The following TDRD15 variants were observed in gnomAD, a reference collection of about 807,000 sequenced individuals.
TDRD15 encodes tudor domain-containing protein 15.
For missense variants in TDRD15, 1,416 were observed against 904.7 expected (o/e 1.57, Z -7.25); for synonymous variants, 503 against 314.5 (o/e 1.60, Z -6.34).
At chr2:21,133,690 A>G (rs1039334038) in intron 2 of TDRD15, among the ~76,000 whole-genome samples, 19 of 152,110 alleles carry the variant, frequency 1.2e-4, no homozygotes, top group African/African-American at 4.6e-4. Context: ...ACAAGGAACT[A>G]TTATTTTACC....
At chr2:21,137,262 T>A (rs931763737) in intron 3 of TDRD15, among the ~76,000 whole-genome samples, 1 of 152,028 alleles carries the variant, frequency 6.6e-6, no homozygotes, top group Non-Finnish European at 1.5e-5. Flanking sequence ...CAATGAAAAA[T>A]TTTAAAAGTA....
intron 2 of TDRD15, among the ~76,000 whole-genome samples, chr2:21,129,545 T>C (rs1283059644): frequency 2.6e-5 from 4 of 152,238 alleles, no homozygotes; most frequent in Admixed American, 2.0e-4. Context: ...TGTTTTTAGA[T>C]TGCATTGTCT....
intron 1 of TDRD15, among the ~76,000 whole-genome samples, chr2:21,125,138 C>G (rs1425269077): frequency 6.9e-6 from 1 of 145,556 alleles, no homozygotes; most frequent in Non-Finnish European, 1.5e-5. Context: ...ATCCTAATGT[C>G]AGGGTGTGTG....
In TDRD15 at chr2:21,143,416, C is replaced by A; in HGVS notation, c.*144C>A. On this transcript the variant is annotated 3_prime_UTR_variant, in exon 4 of 4. Coordinates refer to ENST00000405799, the MANE Select transcript of TDRD15 (RefSeq NM_001306137.2). Reference sequence around the variant, plus strand: ...CTGTAAGAACCTCTTAAGGAAAATTCGTATTAGTAAAAGATCACATTCTAG... The same window carrying A: ...CTGTAAGAACCTCTTAAGGAAAATTAGTATTAGTAAAAGATCACATTCTAG... 2.2e-6 allele frequency: 1 copy of A among 445,690 alleles called. No individual in the cohort carries two copies. The allele number at this position is 445,690 out of a possible 1,614,324, so 27.6% of individuals were successfully genotyped here.
chr2:21,130,676 T>C (rs1572295414), intron 2 of TDRD15, among the ~76,000 whole-genome samples: 1 of 152,188 alleles, frequency 6.6e-6, no homozygotes, highest in East Asian at 1.9e-4. Context: ...TGGCATCTTG[T>C]CAATGTTTAC....
At chr2:21,134,985 A>T (rs1665780670) in intron 3 of TDRD15, 138 bp downstream of exon 3, 1 of 147,916 alleles carries the variant, frequency 6.8e-6, no homozygotes, top group African/African-American at 2.5e-5. Context: ...GTTTAGTTTT[A>T]AATTTTATAT....
rs1354412380 is a variant in TDRD15, at chr2:21,139,796, T to C, written c.2329T>C (p.Cys777Arg). Residue 777 changes from cysteine to arginine, a missense_variant, in exon 4 of 4, where the codon TGT becomes CGT. Coordinates refer to ENST00000405799, the MANE Select transcript of TDRD15 (RefSeq NM_001306137.2). ...AGGTGACTTTTCATGCCAGCTCCAATGTAAGTCAGAAGACCTAAAATTACT... is the reference window on the plus strand; with the variant it reads ...AGGTGACTTTTCATGCCAGCTCCAACGTAAGTCAGAAGACCTAAAATTACT... ...GPGDFSCQLQ[C>R]KSEDLKLLME... 2.8e-6 allele frequency: 2 copies of C among 715,412 alleles called. No homozygotes were observed. The highest frequency in any genetic ancestry group is 2.7e-5 in the East Asian group (1 of 37,276). The allele number at this position is 715,412 out of a possible 1,614,324, so 44.3% of individuals were successfully genotyped here. A position where few individuals can be genotyped will look rare whatever the true frequency, so the allele number is the denominator to read the frequency against.
chr2:21,140,739 C>A lies in TDRD15; in HGVS notation c.3272C>A (p.Pro1091Gln), dbSNP rs1178533101. ...FLSDLRDVDI[P>Q]AEISSWFKDN... ...TCAGATCTTAGGGATGTAGATATTCCAGCAGAAATCAGTAGTTGGTTTAAA... is the reference window on the plus strand; with the variant it reads ...TCAGATCTTAGGGATGTAGATATTCAAGCAGAAATCAGTAGTTGGTTTAAA... Residue 1091 changes from proline (P) to glutamine (Q), a missense_variant, in exon 4 of 4, where the codon CCA (proline) becomes CAA (glutamine). Physicochemically the swap from Pro to Gln is moderately conservative, Grantham distance 76. Transcript: ENST00000405799. 2 of 713,664 alleles carry A rather than the reference C, an allele frequency of 2.8e-6. No homozygotes were observed. The highest frequency in any genetic ancestry group is 4.0e-5 in the Admixed American group (2 of 49,710). The allele number at this position is 713,664 out of a possible 1,614,324, so 44.2% of individuals were successfully genotyped here. A position where few individuals can be genotyped will look rare whatever the true frequency, so the allele number is the denominator to read the frequency against.
Position 21,141,262 on chromosome 2 carries a change from A to G in TDRD15, c.3795A>G (p.Arg1265=). 1 of 712,302 alleles carries G rather than the reference A, an allele frequency of 1.4e-6. No individual in the cohort carries two copies. The highest frequency in any genetic ancestry group is 2.3e-4 in the Middle Eastern group (1 of 4,328). The allele number at this position is 712,302 out of a possible 1,614,324, so 44.1% of individuals were successfully genotyped here. A position where few individuals can be genotyped will look rare whatever the true frequency, so the allele number is the denominator to read the frequency against. The change falls in exon 4 of 4, where the codon AGA becomes AGG. Residue 1265 remains arginine, a synonymous_variant. Coordinates refer to ENST00000405799, the MANE Select transcript of TDRD15 (RefSeq NM_001306137.2). The part of the protein sequence containing the change: ...SVKVVSQSFI[R]ALNQTTSQNP... ...AGGTTGTATCACAGTCTTTTATCAGAGCATTAAATCAAACAACCTCACAAA... is the reference window on the plus strand; with the variant it reads ...AGGTTGTATCACAGTCTTTTATCAGGGCATTAAATCAAACAACCTCACAAA...
rs1665879500 is a variant in TDRD15, at chr2:21,139,581, C to A, written c.2114C>A (p.Ser705Tyr). Residue 705 changes from serine to tyrosine, a missense_variant, in exon 4 of 4, where the codon TCT becomes TAT. Coordinates refer to ENST00000405799, the MANE Select transcript of TDRD15 (RefSeq NM_001306137.2). ...TCTGCCCTTCTTGAAGGACCTAAAT[C>A]TAAAAAGTACCATTCAAATAACCTG... ...VISALLEGPK[S>Y]KKYHSNNLVE... The A allele has an allele frequency of 1.4e-6, 1 of 714,328 alleles. No homozygotes were observed. Among genetic ancestry groups the A allele is most frequent in the Non-Finnish European group, 2.6e-6 (1 of 383,738 alleles). 44.2% of individuals were successfully genotyped at this position (714,328 alleles called of 1,614,324 possible).
Position 21,140,742 on chromosome 2 carries a change from C to T in TDRD15, c.3275C>T (p.Ala1092Val). Residue 1092 changes from alanine to valine, a missense_variant, in exon 4 of 4, where the codon GCA becomes GTA. Physicochemically the swap from Ala to Val is moderately conservative, Grantham distance 64 (BLOSUM62 0). Transcript: ENST00000405799. ...LSDLRDVDIP[A>V]EISSWFKDNF... ...GATCTTAGGGATGTAGATATTCCAG[C>T]AGAAATCAGTAGTTGGTTTAAAGAC... 1 of 713,714 alleles carries T rather than the reference C, an allele frequency of 1.4e-6. No homozygotes were observed. The highest frequency in any genetic ancestry group is 2.6e-6 in the Non-Finnish European group (1 of 383,124). The allele number at this position is 713,714 out of a possible 1,614,324, so 44.2% of individuals were successfully genotyped here.
At chr2:21,131,706 T>C (rs1260366973) in intron 2 of TDRD15, among the ~76,000 whole-genome samples, 1 of 152,232 alleles carries the variant, frequency 6.6e-6, no homozygotes, top group Non-Finnish European at 1.5e-5. Flanking sequence ...ACTAATTTTT[T>C]GGTTTTAAGA....
rs1167556951 is a variant in TDRD15 at position 21,140,170 on chromosome 2, C to A, written c.2703C>A (p.Ile901=). 1.4e-6 allele frequency: 1 copy of A among 715,480 alleles called. No homozygotes were observed. The highest frequency in any genetic ancestry group is 1.7e-5 in the African/African-American group (1 of 57,144). The allele number at this position is 715,480 out of a possible 1,614,324, so 44.3% of individuals were successfully genotyped here. Residue 901 remains isoleucine, a synonymous_variant, in exon 4 of 4, where the codon ATC becomes ATA. Transcript: ENST00000405799. ...CATCTAGAGGGTTATTGACTTGTAT[C>A]ATCTATGCCTTAGTTATTATACATC... ...ISSSRGLLTC[I]IYALVIIHPN... is the part of the protein sequence containing the mutation.
chr2:21,125,585 T>A (rs779487604), intron 1 of TDRD15, among the ~76,000 whole-genome samples: 2 of 152,068 alleles, frequency 1.3e-5, no homozygotes, highest in Non-Finnish European at 2.9e-5. Flanking sequence ...CGAAGAAATT[T>A]ATTTTTGATG....
At chr2:21,130,956 C>T (rs1222099652) in intron 2 of TDRD15, among the ~76,000 whole-genome samples, 1 of 152,142 alleles carries the variant, frequency 6.6e-6, no homozygotes, top group Non-Finnish European at 1.5e-5. Flanking sequence ...CATAAAATCA[C>T]TTCTGTTGAT....
At chr2:21,145,015 C>T (rs1284732338), downstream of TDRD15, among the ~76,000 whole-genome samples, 6 of 151,814 alleles carry the variant, frequency 4.0e-5, no homozygotes, top group African/African-American at 1.4e-4. Context: ...ATATGTCTTT[C>T]TCCTTCCAAA....
chr2:21,141,251 T>G lies in TDRD15; in HGVS notation c.3784T>G (p.Ser1262Ala). 1.4e-6 allele frequency: 1 copy of G among 712,734 alleles called. No individual in the cohort carries two copies. Among genetic ancestry groups the G allele is most frequent in the Non-Finnish European group, 2.6e-6 (1 of 383,100 alleles). 44.2% of individuals were successfully genotyped at this position (712,734 alleles called of 1,614,324 possible). Residue 1262 changes from serine (S) to alanine (A), a missense_variant, in exon 4 of 4, where the codon TCT (serine) becomes GCT (alanine). Transcript: ENST00000405799. ...GQKSVKVVSQ[S>A]FIRALNQTTS... is the part of the protein sequence containing the mutation. Reference sequence around the variant, plus strand: ...AAAATCAGTAAAGGTTGTATCACAGTCTTTTATCAGAGCATTAAATCAAAC... The same window carrying G: ...AAAATCAGTAAAGGTTGTATCACAGGCTTTTATCAGAGCATTAAATCAAAC...
Position 21,140,064 on chromosome 2 carries a change from A to T in TDRD15, c.2597A>T (p.Asn866Ile), listed in dbSNP as rs1480365323. 1.4e-6 allele frequency: 1 copy of T among 716,022 alleles called. No individual in the cohort carries two copies. 44.4% of individuals were successfully genotyped at this position (716,022 alleles called of 1,614,324 possible). A position where few individuals can be genotyped will look rare whatever the true frequency, so the allele number is the denominator to read the frequency against. ...LESQAFRCCLNHFIEPVSCKL... is the reference protein window; with the variant it reads ...LESQAFRCCLIHFIEPVSCKL... ...AGCCAAGCCTTCAGATGTTGTCTTAACCATTTTATTGAGCCTGTTAGTTGT... is the reference window on the plus strand; with the variant it reads ...AGCCAAGCCTTCAGATGTTGTCTTATCCATTTTATTGAGCCTGTTAGTTGT... The change falls in exon 4 of 4, where the codon AAC (asparagine) becomes ATC (isoleucine). Residue 866 changes from asparagine to isoleucine, a missense_variant. Coordinates refer to ENST00000405799, the MANE Select transcript of TDRD15 (RefSeq NM_001306137.2).
intron 2 of TDRD15, among the ~76,000 whole-genome samples, chr2:21,132,535 A>G (rs1448753178): frequency 6.6e-6 from 1 of 152,100 alleles, no homozygotes; most frequent in Non-Finnish European, 1.5e-5. Flanking sequence ...TGAACCCAGT[A>G]GAATTTCCTG....
Sources: gnomAD v4.1 joint callset for allele counts (sites outside exome capture counted in the v4.1 genomes callset) on GRCh38, gnomAD v4.1.1 for gene constraint, MANE v1.5 for transcripts, NCBI Gene and HGNC (gene_info 2026-07-23, HGNC 2026-07-21) for gene names.